The following DGLUCY variants were observed in gnomAD, a reference collection of about 807,000 sequenced individuals.
DGLUCY encodes the protein D-glutamate cyclase, mitochondrial.
DGLUCY carries 58 observed loss-of-function variants against 58.5 expected under a neutral mutation model. The ratio of observed to expected loss-of-function variants is 0.99; its 90% CI spans 0.80 to 1.23. The LOEUF (loss-of-function observed/expected upper bound fraction) is 1.23. Ranked by LOEUF, DGLUCY falls within the 50% of genes most tolerant of loss-of-function variation. The pLI is 0.00. For synonymous variants in DGLUCY, 325 were observed against 314.1 expected (o/e 1.03, Z -0.37); for missense variants, 779 against 784.7 (o/e 0.99, Z 0.09).
chr14:91,179,794 G>A (rs763695238), intron 7 of DGLUCY, among the ~76,000 whole-genome samples: 8 of 149,292 alleles, frequency 5.4e-5, no homozygotes, highest in Non-Finnish European at 7.4e-5. Flanking sequence ...GCAAACCATC[G>A]AGGGCTTACT....
intron 1 of DGLUCY, among the ~76,000 whole-genome samples, chr14:91,117,923 G>A (rs552059322): frequency 1.1e-4 from 16 of 152,240 alleles, no homozygotes; most frequent in African/African-American, 3.6e-4. Context: ...TTAGTTAAAT[G>A]AGTTAAGCTT....
At chr14:91,168,825 G>T (rs1156694894) in intron 4 of DGLUCY, among the ~76,000 whole-genome samples, 1 of 152,186 alleles carries the variant, frequency 6.6e-6, no homozygotes, top group East Asian at 1.9e-4. Context: ...GGTGGCTCAC[G>T]CCTGTAATCC....
At chr14:91,125,506 T>C (rs1429868247) in intron 1 of DGLUCY, 1 of 152,274 alleles carries the variant, frequency 6.6e-6, no homozygotes, top group Non-Finnish European at 1.5e-5. Flanking sequence ...CTCTTTTTAC[T>C]CTTGGCTCTC....
At chr14:91,187,489 C>T (rs1037648557) in intron 8 of DGLUCY, among the ~76,000 whole-genome samples, 12 of 152,192 alleles carry the variant, frequency 7.9e-5, no homozygotes, top group Admixed American at 6.5e-4. Flanking sequence ...CTCATGAGGG[C>T]GGCTGCCTGG....
chr14:91,186,293 C>T (rs2049517743), intron 8 of DGLUCY, among the ~76,000 whole-genome samples: 1 of 152,032 alleles, frequency 6.6e-6, no homozygotes, highest in South Asian at 2.1e-4. Context: ...GTCACCCAGG[C>T]TGGAGTGCAG....
At chr14:91,183,204 C>T (rs949951000) in intron 8 of DGLUCY, among the ~76,000 whole-genome samples, 3 of 151,996 alleles carry the variant, frequency 2.0e-5, no homozygotes, top group African/African-American at 7.3e-5. Context: ...CCATGTTACC[C>T]AGGCTGGTCT....
chr14:91,097,676 C>CTT lies in DGLUCY; in HGVS notation c.-82+36985_-82+36986dup, dbSNP rs796737178. On this transcript the variant is annotated intron_variant, in intron 1 of 4. Coordinates refer to the DGLUCY transcript ENST00000521334. ...GGCGATCAAGGACCCCCTCCCCTCC[C>CTT]TTTTTTTTTTTTTTGAGACGGAGTT... 2.9e-3 allele frequency among the ~76,000 whole-genome samples: 408 copies of CTT among 143,050 alleles called. 4 individuals are homozygous for CTT. Among genetic ancestry groups the CTT allele is most frequent in the African/African-American group, 0.01 (395 of 38,974 alleles). The allele number at this position is 143,050 out of a possible 152,430, so 93.8% of individuals were successfully genotyped here.
At chr14:91,085,953 G>A (rs1250843263) in intron 1 of DGLUCY, among the ~76,000 whole-genome samples, 1 of 152,146 alleles carries the variant, frequency 6.6e-6, no homozygotes, top group Non-Finnish European at 1.5e-5. Context: ...TTAGGAACTG[G>A]GCTGCACAAC....
chr14:91,173,453 G>C lies in DGLUCY; in HGVS notation c.607+14G>C. 7 of 1,581,582 alleles carry C rather than the reference G, an allele frequency of 4.4e-6. No homozygotes were observed. The highest frequency in any genetic ancestry group is 6.0e-6 in the Non-Finnish European group (7 of 1,167,306). Reference sequence around the variant, plus strand: ...TGGGCGACCCAGGTCAGTGTCTCTCGCTCCTGCCCATGATCTTCCTGTTCA... The same window carrying C: ...TGGGCGACCCAGGTCAGTGTCTCTCCCTCCTGCCCATGATCTTCCTGTTCA... On this transcript the variant is annotated intron_variant, in intron 6 of 13. Coordinates refer to ENST00000256324, the MANE Select transcript of DGLUCY (RefSeq NM_001102368.3).
intron 8 of DGLUCY, among the ~76,000 whole-genome samples, chr14:91,185,732 A>C (rs1228881559): frequency 1.3e-5 from 2 of 151,446 alleles, no homozygotes; most frequent in Non-Finnish European, 2.9e-5. Context: ...ATTGGGAAGT[A>C]AATTTATTGC....
intron 1 of DGLUCY, among the ~76,000 whole-genome samples, chr14:91,136,003 C>T (rs534426031): frequency 4.4e-5 from 6 of 137,882 alleles, no homozygotes; most frequent in East Asian, 2.3e-4. Flanking sequence ...GCTGCAATCT[C>T]GGCTCACTGC....
At chr14:91,198,571 T>C (rs1258059498) in intron 10 of DGLUCY, among the ~76,000 whole-genome samples, 1 of 152,054 alleles carries the variant, frequency 6.6e-6, no homozygotes, top group Admixed American at 6.6e-5. Context: ...GGTCTCAAAC[T>C]CCTGGGCTCA....
At chr14:91,100,046 ACT>A (rs1312887572) in intron 1 of DGLUCY, among the ~76,000 whole-genome samples, 5 of 129,450 alleles carry the variant, frequency 3.9e-5, no homozygotes, top group Non-Finnish European at 6.6e-5. Flanking sequence ...CAAGAGTGAA[ACT>A]CTGTCTCAAA....
At chr14:91,118,286 G>T (rs981668198) in intron 1 of DGLUCY, among the ~76,000 whole-genome samples, 1 of 151,730 alleles carries the variant, frequency 6.6e-6, no homozygotes, top group African/African-American at 2.4e-5. Context: ...TAGAGCCAGG[G>T]TTTCACCATG....
intron 1 of DGLUCY, among the ~76,000 whole-genome samples, chr14:91,073,839 C>G (rs888663250): frequency 6.6e-6 from 1 of 151,086 alleles, no homozygotes; most frequent in Non-Finnish European, 1.5e-5. Context: ...GAGCTATGAC[C>G]GTCTTACTGC....
intron 1 of DGLUCY, among the ~76,000 whole-genome samples, chr14:91,061,461 T>C (rs1303408854): frequency 6.6e-6 from 1 of 152,198 alleles, no homozygotes; most frequent in African/African-American, 2.4e-5. Flanking sequence ...AAACAATCTG[T>C]GTGTGTACAC....
At chr14:91,117,728 A>G (rs150386997) in intron 1 of DGLUCY, among the ~76,000 whole-genome samples, 157 of 152,192 alleles carry the variant, frequency 1.0e-3, no homozygotes, top group African/African-American at 3.6e-3. Context: ...TCTGAGGCAA[A>G]CATGAGGACC....
intron 9 of DGLUCY, among the ~76,000 whole-genome samples, chr14:91,190,647 G>A (rs996086169): frequency 1.3e-5 from 2 of 152,122 alleles, no homozygotes; most frequent in Non-Finnish European, 2.9e-5. Context: ...TCATTAGGTG[G>A]AGTGGGGGCC....
At chr14:91,062,561 ATAT>A (rs2043734979) in intron 1 of DGLUCY, among the ~76,000 whole-genome samples, 6 of 4,960 alleles carry the variant, frequency 1.2e-3, no homozygotes, top group Non-Finnish European at 2.4e-3. Context: ...AAAAAAAAAT[ATAT>A]ATATATATAT....
Sources: gnomAD v4.1 joint callset for allele counts (sites outside exome capture counted in the v4.1 genomes callset) on GRCh38, gnomAD v4.1.1 for gene constraint, MANE v1.5 for transcripts, NCBI Gene and HGNC (gene_info 2026-07-23, HGNC 2026-07-21) for gene names.